Variants in CACNA2D3 observed in about 807,000 individuals in gnomAD.
The protein encoded by CACNA2D3 is voltage-dependent calcium channel subunit alpha-2/delta-3.
A neutral mutation model predicts 160.6 loss-of-function variants in CACNA2D3; 60 were observed. That is an observed-to-expected ratio of 0.37 (90% confidence interval 0.30 to 0.46). The LOEUF (loss-of-function observed/expected upper bound fraction) is 0.46. Among genes scored for constraint, CACNA2D3 ranks in the 20% least tolerant of loss-of-function variants. The pLI is 1.00. For synonymous variants in CACNA2D3, 558 were observed against 492.9 expected (o/e 1.13, Z -1.75); for missense variants, 1,205 against 1,365.0 (o/e 0.88, Z 1.85).
intron 13 of CACNA2D3, among the ~76,000 whole-genome samples, chr3:54,768,021 A>G (rs547687233): frequency 1.0e-3 from 155 of 152,318 alleles, no homozygotes; most frequent in African/African-American, 3.7e-3. Flanking sequence ...GAGTTGGAAA[A>G]TCACTATTTT....
At chr3:54,629,974 G>T (rs1234233486) in intron 10 of CACNA2D3, among the ~76,000 whole-genome samples, 3 of 152,054 alleles carry the variant, frequency 2.0e-5, no homozygotes, top group Admixed American at 6.6e-5. Context: ...GCAGATTGGG[G>T]CTGAGAAGCC....
intron 13 of CACNA2D3, among the ~76,000 whole-genome samples, chr3:54,791,032 T>C (rs1056016847): frequency 2.2e-5 from 2 of 89,240 alleles, no homozygotes; most frequent in African/African-American, 1.1e-4. Flanking sequence ...TTTTGGCACC[T>C]TCTTTGTATT....
chr3:54,416,198 G>A (rs968623139), intron 4 of CACNA2D3, among the ~76,000 whole-genome samples: 1 of 152,172 alleles, frequency 6.6e-6, no homozygotes, highest in African/African-American at 2.4e-5. Flanking sequence ...TGACACTTGC[G>A]TGTTGCTTAC....
chr3:54,692,169 T>G (rs1056905125), intron 11 of CACNA2D3, among the ~76,000 whole-genome samples: 1 of 152,190 alleles, frequency 6.6e-6, no homozygotes, highest in Admixed American at 6.5e-5. Flanking sequence ...TGACAGGGTT[T>G]CACCATGTTG....
chr3:54,181,025 C>T (rs1700772923), intron 2 of CACNA2D3, among the ~76,000 whole-genome samples: 1 of 152,106 alleles, frequency 6.6e-6, no homozygotes, highest in Non-Finnish European at 1.5e-5. Context: ...GTTCCTGCCC[C>T]CCACCATATA....
intron 2 of CACNA2D3, among the ~76,000 whole-genome samples, chr3:54,286,762 G>C (rs1427527718): frequency 1.3e-5 from 2 of 152,090 alleles, no homozygotes; most frequent in Non-Finnish European, 2.9e-5. Context: ...AAGAGAGTGG[G>C]GGCCAATATT....
rs9834657 is a variant in CACNA2D3, at chr3:54,486,035, C to T, written c.382-17457C>T. Among the ~76,000 whole-genome samples the T allele has an allele frequency of 4.2e-3, 633 of 152,272 alleles. 2 individuals are homozygous for T. Among genetic ancestry groups the T allele is most frequent in the African/African-American group, 0.015 (617 of 41,544 alleles). On this transcript the variant is annotated intron_variant, in intron 4 of 37. Transcript: ENST00000474759. ...TTGCACGAAAAATTTCAGCCTATTC[C>T]GGGCTAGTCTCTGAACAGAAAGACA...
intron 11 of CACNA2D3, among the ~76,000 whole-genome samples, chr3:54,694,047 G>C (rs2106937031): frequency 6.6e-6 from 1 of 152,232 alleles, no homozygotes; most frequent in African/African-American, 2.4e-5. Flanking sequence ...AATATCCTAG[G>C]CCTTCACATT....
chr3:55,067,267 A>G (rs1704678193), intron 35 of CACNA2D3, among the ~76,000 whole-genome samples: 1 of 152,116 alleles, frequency 6.6e-6, no homozygotes, highest in East Asian at 1.9e-4. Flanking sequence ...GTCTGTCCTC[A>G]AGGAGTTTGA....
chr3:54,361,573 A>G (rs986360127), intron 3 of CACNA2D3, among the ~76,000 whole-genome samples: 21 of 152,350 alleles, frequency 1.4e-4, no homozygotes, highest in Non-Finnish European at 2.8e-4. Context: ...GCAAAACTTC[A>G]TTTTTTAAAC....
chr3:55,036,140 T>C (rs1559470225), intron 35 of CACNA2D3, among the ~76,000 whole-genome samples: 1 of 152,132 alleles, frequency 6.6e-6, no homozygotes, highest in Non-Finnish European at 1.5e-5. Context: ...GCATAGTCTA[T>C]TAACCATAAA....
chr3:54,880,614 T>C (rs1438899664), intron 20 of CACNA2D3, among the ~76,000 whole-genome samples, 182 bp from the exon 21 acceptor site: 4 of 152,194 alleles, frequency 2.6e-5, no homozygotes, highest in East Asian at 1.9e-4. Flanking sequence ...AAGCAGCTGA[T>C]TGAACCTAAG....
chr3:54,493,839 C>T (rs1017441653), intron 4 of CACNA2D3, among the ~76,000 whole-genome samples: 1 of 152,204 alleles, frequency 6.6e-6, no homozygotes, highest in Non-Finnish European at 1.5e-5. Flanking sequence ...TTATCTATGG[C>T]AGCTGTCATG....
intron 5 of CACNA2D3, among the ~76,000 whole-genome samples, chr3:54,528,249 G>T (rs975037899): frequency 7.1e-6 from 1 of 141,154 alleles, no homozygotes; most frequent in African/African-American, 2.7e-5. Flanking sequence ...GCAATATTGG[G>T]CACAGAATCA....
chr3:55,041,064 A>AT (rs1421760978), intron 35 of CACNA2D3, among the ~76,000 whole-genome samples: 1 of 152,152 alleles, frequency 6.6e-6, no homozygotes, highest in Non-Finnish European at 1.5e-5. Flanking sequence ...TTCATATTAT[A>AT]TTATATGCCA....
chr3:54,644,148 C>T (rs773318975), intron 11 of CACNA2D3, among the ~76,000 whole-genome samples: 5 of 152,038 alleles, frequency 3.3e-5, no homozygotes, highest in Non-Finnish European at 4.4e-5. Flanking sequence ...GCTGCAAAGT[C>T]CTAATTCTCC....
chr3:54,898,450 T>C (rs1348275229), intron 26 of CACNA2D3, among the ~76,000 whole-genome samples: 2 of 152,194 alleles, frequency 1.3e-5, no homozygotes, highest in African/African-American at 4.8e-5. Flanking sequence ...CTCTAACTGC[T>C]GACCTAAAGT....
At chr3:54,906,212 G>A (rs925170000) in intron 27 of CACNA2D3, among the ~76,000 whole-genome samples, 3 of 152,092 alleles carry the variant, frequency 2.0e-5, no homozygotes, top group African/African-American at 7.3e-5. Context: ...AGGAAGGGAA[G>A]GAAGGGAAGA....
intron 27 of CACNA2D3, among the ~76,000 whole-genome samples, chr3:54,910,641 TACTCTCAAGGCTTTGAAC>T (rs1282681743): frequency 6.6e-6 from 1 of 152,124 alleles, no homozygotes; most frequent in Admixed American, 6.6e-5. Context: ...TGCTCCTATT[TACTCTCAAGGCTTTGAAC>T]ACTGTTCATA....
Sources: gnomAD v4.1 joint callset for allele counts (sites outside exome capture counted in the v4.1 genomes callset) on GRCh38, gnomAD v4.1.1 for gene constraint, MANE v1.5 for transcripts, NCBI Gene and HGNC (gene_info 2026-07-23, HGNC 2026-07-21) for gene names.